NCAN: variants seen among roughly 807,000 people sequenced by gnomAD.
NCAN encodes the protein neurocan core protein.
NCAN carries 47 observed loss-of-function variants against 121.8 expected under a neutral mutation model. That is an observed-to-expected ratio of 0.39 (90% confidence interval 0.31 to 0.49). The LOEUF (loss-of-function observed/expected upper bound fraction) is 0.49, where lower values mean the gene tolerates loss of function less well. Among genes scored for constraint, NCAN ranks in the 20% least tolerant of loss-of-function variants. NCAN has a pLI of 0.92. For missense variants in NCAN, 1,517 were observed against 1,773.4 expected, an observed-to-expected ratio of 0.86 and a Z score of 2.60; for synonymous variants, 633 against 702.0, an observed-to-expected ratio of 0.90 and a Z score of 1.55.
chr19:19,234,366 C>T (rs117893895), intron 9 of NCAN, among the ~76,000 whole-genome samples: 23 of 152,286 alleles, frequency 1.5e-4, no homozygotes, highest in Non-Finnish European at 3.1e-4. Flanking sequence ...GACTTCACAA[C>T]CTTCACAACC....
intron 1 of NCAN, among the ~76,000 whole-genome samples, chr19:19,214,480 C>T (rs2060788937): frequency 6.6e-6 from 1 of 151,784 alleles, no homozygotes; most frequent in South Asian, 2.1e-4. Context: ...GTGTCTGTCA[C>T]CATGTTGGGC....
At chr19:19,236,044 T>G (rs1035311585) in intron 10 of NCAN, among the ~76,000 whole-genome samples, 2 of 152,152 alleles carry the variant, frequency 1.3e-5, no homozygotes, top group Non-Finnish European at 2.9e-5. Context: ...CCAGCCAAAT[T>G]AACCATTTTA....
At chr19:19,238,638 G>A (rs2060890823) in intron 11 of NCAN, 3 of 581,214 alleles carry the variant, frequency 5.2e-6, no homozygotes, top group East Asian at 3.1e-5. Context: ...TATTTACTGA[G>A]CACCTGCTAT....
At chr19:19,247,370 T>G (rs1490505053) in intron 13 of NCAN, among the ~76,000 whole-genome samples, 1 of 152,224 alleles carries the variant, frequency 6.6e-6, no homozygotes, top group Middle Eastern at 3.4e-3. Flanking sequence ...TCTCCTGCCT[T>G]GGCCTCCTCA....
chr19:19,239,904 T>C (rs1599821151), intron 11 of NCAN, among the ~76,000 whole-genome samples: 1 of 110,178 alleles, frequency 9.1e-6, no homozygotes, highest in African/African-American at 3.6e-5. Context: ...CTCCTTCCCT[T>C]CCTCCTCCCT....
At chr19:19,223,215 C>G (rs943770938) in intron 3 of NCAN, among the ~76,000 whole-genome samples, 1 of 152,156 alleles carries the variant, frequency 6.6e-6, no homozygotes, top group African/African-American at 2.4e-5. Context: ...AGCGCATGCA[C>G]TTAATTCCTA....
chr19:19,229,065 G>A (rs764529199), intron 8 of NCAN, among the ~76,000 whole-genome samples: 11 of 152,260 alleles, frequency 7.2e-5, no homozygotes, highest in African/African-American at 1.4e-4. Flanking sequence ...AAAATTAGCC[G>A]GGTGTGGTGG....
Position 19,250,604 on chromosome 19 carries a change from C to A in NCAN, c.*693C>A, listed in dbSNP as rs2060943080. 1 of 176,972 alleles carries A rather than the reference C, an allele frequency of 5.7e-6. No individual in the cohort carries two copies. Among genetic ancestry groups the A allele is most frequent in the Admixed American group, 5.6e-5 (1 of 17,878 alleles). The allele number at this position is 176,972 out of a possible 1,614,324, so 11.0% of individuals were successfully genotyped here. ...GATGGAGGGAGAGTGTATTGCTAAC[C>A]CTTCCAGGTCTAGTCCAGCGCTGAG... On this transcript the variant is annotated 3_prime_UTR_variant, in exon 15 of 15. Coordinates refer to ENST00000252575, the MANE Select transcript of NCAN (RefSeq NM_004386.3).
rs1180682838 is a variant in NCAN, at chr19:19,250,652, A to T, written c.*741A>T. ...GAGATTTGGTGGTTCTGCATGTGTG[A>T]TGAATCTCTTTCACACAAATAGACG... is the stretch of plus-strand genomic sequence containing the variant. On this transcript the variant is annotated 3_prime_UTR_variant, in exon 15 of 15. Coordinates refer to ENST00000252575, the MANE Select transcript of NCAN (RefSeq NM_004386.3). The T allele has an allele frequency of 6.3e-6, 1 of 159,648 alleles. No individual in the cohort carries two copies. Among genetic ancestry groups the T allele is most frequent in the Admixed American group, 6.0e-5 (1 of 16,598 alleles). 9.9% of individuals were successfully genotyped at this position (159,648 alleles called of 1,614,324 possible).
At chr19:19,234,876 C>A in intron 9 of NCAN, 107 bp from the exon 10 acceptor site, 1 of 615,104 alleles carries the variant, frequency 1.6e-6, no homozygotes, top group East Asian at 2.7e-5. Flanking sequence ...CACTTAGGTC[C>A]AGGATGGATG....
intron 9 of NCAN, 48 bp from the exon 10 acceptor site, chr19:19,234,934 AG>A (rs1445420486): frequency 7.8e-7 from 1 of 1,286,422 alleles, no homozygotes; most frequent in East Asian, 2.4e-5. Flanking sequence ...GGGGGCTCAG[AG>A]CCAAGGGGAA....
In NCAN at chr19:19,225,765, CTAAG is replaced by C. The variant is rs1475703417; in HGVS notation, c.1072+500_1072+503del. Among the ~76,000 whole-genome samples the C allele has an allele frequency of 1.3e-5, 2 of 152,186 alleles. No individual in the cohort carries two copies. Among genetic ancestry groups the C allele is most frequent in the African/African-American group, 2.4e-5 (1 of 41,438 alleles). On this transcript the variant is annotated intron_variant, in intron 6 of 14. Coordinates refer to ENST00000252575, the MANE Select transcript of NCAN (RefSeq NM_004386.3). The surrounding 1 kb of genome is among the most constrained non-coding windows in gnomAD (Gnocchi z 4.0). ...CATCAACCCCAAGGAGCCATGTCCT[CTAAG>C]TAAGCTGCCCCAGTCCTGGCATGGG...
At chr19:19,242,393 A>AAAC in intron 12 of NCAN, among the ~76,000 whole-genome samples, 1 of 151,680 alleles carries the variant, frequency 6.6e-6, no homozygotes, top group East Asian at 2.0e-4. Flanking sequence ...TGTCTCAAAC[A>AAAC]AAACAAAACA....
rs927718637 is a variant in NCAN at position 19,212,039 on chromosome 19, C to G, written c.-33C>G. 6 of 211,654 alleles carry G rather than the reference C, an allele frequency of 2.8e-5. No homozygotes were observed. Among genetic ancestry groups the G allele is most frequent in the Non-Finnish European group, 5.0e-5 (5 of 99,356 alleles). 13.1% of individuals were successfully genotyped at this position (211,654 alleles called of 1,614,324 possible). The stretch of plus-strand genomic sequence containing the variant: ...CGTCCTTTGTGCCCGGCGGCCGCCC[C>G]GGGATGCGTCCGAGCTAGGAGCCAG... On this transcript the variant is annotated 5_prime_UTR_variant, in exon 1 of 15. Coordinates refer to ENST00000252575, the MANE Select transcript of NCAN (RefSeq NM_004386.3). This position sits in a 1 kb window ranked among gnomAD's most constrained non-coding sequence, Gnocchi z 4.5.
At position 19,249,919 on chromosome 19, in the gene NCAN, G is replaced by GA; in HGVS notation, c.*14dup. The GA allele has an allele frequency of 6.2e-7, 1 of 1,610,940 alleles. No individual in the cohort carries two copies. Among genetic ancestry groups the GA allele is most frequent in the African/African-American group, 1.3e-5 (1 of 74,888 alleles). On this transcript the variant is annotated 3_prime_UTR_variant, in exon 15 of 15. Coordinates refer to ENST00000252575, the MANE Select transcript of NCAN (RefSeq NM_004386.3). Reference sequence around the variant, plus strand: ...GAAGGGAATTTCTGCTGAAGAACCAGAAAAAAGAAAGCACAACACCTTTCC... The same window carrying GA: ...GAAGGGAATTTCTGCTGAAGAACCAGAAAAAAAGAAAGCACAACACCTTTCC...
chr19:19,248,910 C>T (rs368981441), intron 14 of NCAN, 28 bp downstream of exon 14: 105 of 1,607,810 alleles, frequency 6.5e-5, no homozygotes, highest in Non-Finnish European at 8.8e-5. Flanking sequence ...GAGATCTCAA[C>T]ATAGGTTTTT....
intron 12 of NCAN, among the ~76,000 whole-genome samples, chr19:19,241,667 G>A (rs907857307): frequency 3.3e-5 from 5 of 150,652 alleles, no homozygotes; most frequent in African/African-American, 9.8e-5. Context: ...TGAGACCCCC[G>A]TCTCTAAAAA....
At chr19:19,216,731 C>T (rs570445109) in intron 1 of NCAN, among the ~76,000 whole-genome samples, 9 of 152,336 alleles carry the variant, frequency 5.9e-5, no homozygotes, top group South Asian at 2.1e-4. Flanking sequence ...CGTGAGCCAC[C>T]GCGTCCAGCC....
intron 3 of NCAN, among the ~76,000 whole-genome samples, chr19:19,220,579 T>C (rs2060813058): frequency 6.8e-6 from 1 of 146,940 alleles, no homozygotes; most frequent in African/African-American, 2.5e-5. Context: ...TGCCTCAGCC[T>C]CCTGAGTAGC....
Sources: gnomAD v4.1 joint callset for allele counts (sites outside exome capture counted in the v4.1 genomes callset) on GRCh38, gnomAD v4.1.1 for gene constraint, Gnocchi (gnomAD v3.1) non-coding constraint, MANE v1.5 for transcripts, NCBI Gene and HGNC (gene_info 2026-07-23, HGNC 2026-07-21) for gene names.